Variants in GRIK2 observed in about 807,000 individuals in gnomAD.
The protein encoded by GRIK2 is glutamate ionotropic receptor kainate type subunit 2, also known as glutamate receptor ionotropic, kainate 2.
In GRIK2, 32 loss-of-function variants were observed where a neutral mutation model predicts 100.3. The ratio of observed to expected loss-of-function variants is 0.32; its 90% CI spans 0.24 to 0.43. GRIK2 has a LOEUF of 0.43. Among genes scored for constraint, GRIK2 ranks in the 20% least tolerant of loss-of-function variants. The pLI is 1.00. For synonymous variants in GRIK2, 417 were observed against 389.4 expected, an observed-to-expected ratio of 1.07 and a Z score of -0.83; for missense variants, 843 against 1,114.9, an observed-to-expected ratio of 0.76 and a Z score of 3.47.
intron 7 of GRIK2, among the ~76,000 whole-genome samples, chr6:101,693,062 C>T (rs1024409338): frequency 6.6e-6 from 1 of 152,070 alleles, no homozygotes; most frequent in South Asian, 2.1e-4. Flanking sequence ...TAAAAACCTC[C>T]ATTGTTTTAT....
intron 7 of GRIK2, among the ~76,000 whole-genome samples, chr6:101,731,091 C>T (rs1236859526): frequency 4.6e-5 from 7 of 151,860 alleles, no homozygotes; most frequent in Non-Finnish European, 8.8e-5. Context: ...AGTTGCAGTC[C>T]AAGTAGCTAA....
intron 2 of GRIK2, among the ~76,000 whole-genome samples, chr6:101,401,249 G>T (rs186583467): frequency 1.9e-3 from 283 of 152,236 alleles, no homozygotes; most frequent in African/African-American, 6.5e-3. Context: ...TTGCCGCTCT[G>T]GTCTTGCAGC....
At chr6:101,536,152 T>A (rs1196413934) in intron 2 of GRIK2, among the ~76,000 whole-genome samples, 1 of 151,694 alleles carries the variant, frequency 6.6e-6, no homozygotes, top group East Asian at 1.9e-4. Flanking sequence ...TGTATGTGTG[T>A]GAACTTGCTT....
chr6:101,540,421 C>A (rs1032041996), intron 2 of GRIK2, among the ~76,000 whole-genome samples: 2 of 151,764 alleles, frequency 1.3e-5, no homozygotes, highest in African/African-American at 2.4e-5. Flanking sequence ...TAACACAAAG[C>A]ATAAATGATT....
At chr6:101,402,404 C>T (rs1775364920) in intron 2 of GRIK2, among the ~76,000 whole-genome samples, 1 of 152,170 alleles carries the variant, frequency 6.6e-6, no homozygotes, top group Admixed American at 6.5e-5. Flanking sequence ...CCTGTTTCCC[C>T]CTTAACCTCC....
intron 2 of GRIK2, among the ~76,000 whole-genome samples, chr6:101,432,930 C>G (rs9498588): frequency 0.044 from 6,758 of 152,112 alleles, 307 homozygotes; most frequent in African/African-American, 0.1. Context: ...GATCTACCCC[C>G]TTTCCAGACT....
At chr6:101,995,505 C>G (rs1455938426) in intron 14 of GRIK2, among the ~76,000 whole-genome samples, 1 of 151,776 alleles carries the variant, frequency 6.6e-6, no homozygotes, top group Non-Finnish European at 1.5e-5. Context: ...TCTATTTTGT[C>G]AAGAAAGTTA....
intron 14 of GRIK2, among the ~76,000 whole-genome samples, chr6:101,944,569 G>T (rs1255353647): frequency 6.6e-6 from 1 of 152,052 alleles, no homozygotes; most frequent in East Asian, 1.9e-4. Flanking sequence ...ACTCAAAGAT[G>T]CATGAAATTA....
At chr6:101,537,729 T>C (rs1225630454) in intron 2 of GRIK2, among the ~76,000 whole-genome samples, 1 of 151,804 alleles carries the variant, frequency 6.6e-6, no homozygotes, top group East Asian at 1.9e-4. Context: ...TTAGATGACC[T>C]CTACAAATCA....
intron 10 of GRIK2, among the ~76,000 whole-genome samples, chr6:101,842,639 G>A (rs1356150066): frequency 6.6e-6 from 1 of 152,096 alleles, no homozygotes; most frequent in Non-Finnish European, 1.5e-5. Context: ...ACAAAAGGCA[G>A]CAGCTGAAAG....
chr6:101,792,930 C>T lies in GRIK2; in HGVS notation c.952-6718C>T, dbSNP rs939293447. ...TTCTTTTTATTCTTTTTTCTCTAAACTTCCCTTCTCGCTTCATTTCATTCA... is the reference window on the plus strand; with the variant it reads ...TTCTTTTTATTCTTTTTTCTCTAAATTTCCCTTCTCGCTTCATTTCATTCA... On this transcript the variant is annotated intron_variant, in intron 7 of 16. Coordinates refer to ENST00000369134, the MANE Select transcript of GRIK2 (RefSeq NM_021956.5). Among the ~76,000 whole-genome samples the T allele has an allele frequency of 5.3e-5, 8 of 152,066 alleles. 1 individual carries two copies. The highest frequency in any genetic ancestry group is 1.9e-4 in the African/African-American group (8 of 41,390).
At chr6:101,621,727 T>C (rs1249369576) in intron 2 of GRIK2, among the ~76,000 whole-genome samples, 1 of 152,078 alleles carries the variant, frequency 6.6e-6, no homozygotes, top group Non-Finnish European at 1.5e-5. Flanking sequence ...TTTACCAGTA[T>C]GGCTGTGGCT....
At chr6:101,562,200 T>C (rs866303795) in intron 2 of GRIK2, among the ~76,000 whole-genome samples, 1 of 152,140 alleles carries the variant, frequency 6.6e-6, no homozygotes, top group African/African-American at 2.4e-5. Flanking sequence ...TAAAATAATT[T>C]AGATCTGCTA....
chr6:101,920,268 T>A (rs1447845162), intron 12 of GRIK2, among the ~76,000 whole-genome samples: 1 of 151,922 alleles, frequency 6.6e-6, no homozygotes, highest in Non-Finnish European at 1.5e-5. Flanking sequence ...TTTATTTCTC[T>A]CTCATCCCCA....
At chr6:101,663,523 A>G (rs1438851851) in intron 4 of GRIK2, among the ~76,000 whole-genome samples, 1 of 152,162 alleles carries the variant, frequency 6.6e-6, no homozygotes, top group Non-Finnish European at 1.5e-5. Flanking sequence ...AGGAGAAGAA[A>G]TATACAGGAG....
chr6:101,607,661 A>T (rs1779496272), intron 2 of GRIK2, among the ~76,000 whole-genome samples: 1 of 151,942 alleles, frequency 6.6e-6, no homozygotes, highest in African/African-American at 2.4e-5. Flanking sequence ...GTGTCTATTT[A>T]AAGTAGCTGA....
At chr6:101,717,239 G>A (rs534976124) in intron 7 of GRIK2, among the ~76,000 whole-genome samples, 15 of 151,806 alleles carry the variant, frequency 9.9e-5, no homozygotes, top group Admixed American at 7.9e-4. Context: ...AACGAAGGGG[G>A]TTGGATGAAA....
chr6:101,707,615 T>TACAATTC (rs1773425483), intron 7 of GRIK2, among the ~76,000 whole-genome samples: 1 of 144,592 alleles, frequency 6.9e-6, no homozygotes, highest in Admixed American at 7.0e-5. Context: ...TGTATATATA[T>TACAATTC]ATATATATAT....
chr6:101,398,005 C>T (rs11962843), intron 1 of GRIK2, among the ~76,000 whole-genome samples: 3,447 of 151,986 alleles, frequency 0.023, 131 homozygotes, highest in African/African-American at 0.079. Context: ...AATTCTATTT[C>T]TGTACTTTAT....
Sources: gnomAD v4.1 joint callset for allele counts (sites outside exome capture counted in the v4.1 genomes callset) on GRCh38, gnomAD v4.1.1 for gene constraint, MANE v1.5 for transcripts, NCBI Gene and HGNC (gene_info 2026-07-23, HGNC 2026-07-21) for gene names.